The following NTM variants were observed in gnomAD, a reference collection of about 807,000 sequenced individuals.
NTM encodes the protein neurotrimin.
NTM carries 13 observed loss-of-function variants against 42.1 expected under a neutral mutation model. The observed-to-expected ratio is 0.31, with a 90% CI of 0.20 to 0.49. NTM has a LOEUF of 0.49. NTM is among the 20% of genes least tolerant of loss of function. The pLI is 0.99. For synonymous variants in NTM, 187 were observed against 179.2 expected (o/e 1.04, Z -0.35); for missense variants, 373 against 452.8 (o/e 0.82, Z 1.60).
intron 1 of NTM, among the ~76,000 whole-genome samples, chr11:131,453,509 C>G (rs1195913393): frequency 6.6e-6 from 1 of 151,126 alleles, no homozygotes; most frequent in Non-Finnish European, 1.5e-5. Flanking sequence ...AAAGAGACTA[C>G]AAAGCGACAA....
chr11:131,899,355 C>T (rs1159545020), intron 1 of NTM, among the ~76,000 whole-genome samples: 1 of 152,156 alleles, frequency 6.6e-6, no homozygotes, highest in Non-Finnish European at 1.5e-5. Context: ...ATAAATCATG[C>T]ACACACTTTT....
intron 4 of NTM, among the ~76,000 whole-genome samples, chr11:132,298,938 A>G (rs2094729521): frequency 6.6e-6 from 1 of 152,228 alleles, no homozygotes; most frequent in African/African-American, 2.4e-5. Flanking sequence ...ACCAGTTTGT[A>G]TAATATTTTT....
At position 132,088,661 on chromosome 11, in the gene NTM, C is replaced by A. The variant is rs190408298; in HGVS notation, c.168-57621C>A. On this transcript the variant is annotated intron_variant, in intron 2 of 8. Coordinates refer to ENST00000683400, the MANE Select transcript of NTM (RefSeq NM_001352005.2). ...AATTCCTCCAGTGCGCATGTGGGCC[C>A]TTGGTCTGAGCCAGTCCACATTGAT... 1.7e-4 allele frequency among the ~76,000 whole-genome samples: 26 copies of A among 152,290 alleles called. No individual in the cohort carries two copies. The East Asian group carries it at 4.3e-3, about 25-fold the overall frequency.
chr11:132,327,807 C>T (rs1283855351), intron 7 of NTM, among the ~76,000 whole-genome samples: 1 of 151,506 alleles, frequency 6.6e-6, no homozygotes, highest in African/African-American at 2.4e-5. Flanking sequence ...CCCTTTCTTC[C>T]TTCCTGTCTC....
intron 1 of NTM, among the ~76,000 whole-genome samples, chr11:131,774,694 G>C (rs10736601): frequency 0.44 from 66,377 of 152,090 alleles, 15,906 homozygotes; most frequent in East Asian, 0.63. Context: ...CCTCAGAGCA[G>C]TTCTCTTTGT....
intron 1 of NTM, among the ~76,000 whole-genome samples, chr11:131,745,178 A>G (rs1454008444): frequency 6.6e-6 from 1 of 152,172 alleles, no homozygotes; most frequent in Non-Finnish European, 1.5e-5. Context: ...GACAATGATT[A>G]TGGCTTGTAA....
intron 1 of NTM, among the ~76,000 whole-genome samples, chr11:131,600,090 TTC>T (rs1256260035): frequency 6.6e-6 from 1 of 152,210 alleles, no homozygotes. Flanking sequence ...CTCAATCGGC[TTC>T]TGTTATAGAT....
intron 2 of NTM, among the ~76,000 whole-genome samples, chr11:131,941,890 T>A (rs573289952): frequency 6.6e-5 from 10 of 151,742 alleles, no homozygotes; most frequent in Non-Finnish European, 1.3e-4. Context: ...GGGCAGGTGT[T>A]TTCTGCATAA....
chr11:132,144,163 C>G (rs991962275), intron 2 of NTM, among the ~76,000 whole-genome samples: 1 of 152,140 alleles, frequency 6.6e-6, no homozygotes, highest in Non-Finnish European at 1.5e-5. Context: ...TAGCTCAGTG[C>G]TTCTTAAACC....
At chr11:132,068,473 T>C (rs1169874435) in intron 2 of NTM, among the ~76,000 whole-genome samples, 1 of 152,170 alleles carries the variant, frequency 6.6e-6, no homozygotes, top group African/African-American at 2.4e-5. Context: ...TGCTTCTAAT[T>C]TTTTTCTGAG....
At chr11:131,570,094 C>T (rs1431911095) in intron 1 of NTM, among the ~76,000 whole-genome samples, 1 of 152,210 alleles carries the variant, frequency 6.6e-6, no homozygotes, top group Non-Finnish European at 1.5e-5. Flanking sequence ...TATCAGTCTT[C>T]CTTTTCCTCT....
At chr11:131,825,330 TA>T (rs2041998847) in intron 1 of NTM, among the ~76,000 whole-genome samples, 2 of 150,692 alleles carry the variant, frequency 1.3e-5, no homozygotes, top group African/African-American at 4.9e-5. Flanking sequence ...TGTTTTCAAA[TA>T]AGATGACATT....
intron 1 of NTM, among the ~76,000 whole-genome samples, chr11:131,529,630 G>C (rs1053746886): frequency 2.0e-5 from 3 of 152,112 alleles, no homozygotes; most frequent in Non-Finnish European, 4.4e-5. Context: ...AAGGCTGCTC[G>C]GTGCATGTGT....
chr11:131,955,299 A>G (rs1274881880), intron 2 of NTM, among the ~76,000 whole-genome samples: 1 of 152,100 alleles, frequency 6.6e-6, no homozygotes, highest in African/African-American at 2.4e-5. Flanking sequence ...GTTGCCTGGA[A>G]TAGTAATGAG....
intron 1 of NTM, among the ~76,000 whole-genome samples, chr11:131,784,767 A>G (rs915576650): frequency 2.0e-5 from 3 of 152,250 alleles, no homozygotes; most frequent in Non-Finnish European, 2.9e-5. Flanking sequence ...CGTGCAAAAT[A>G]CACCTTAATA....
At chr11:132,332,658 A>G (rs556119412) in intron 8 of NTM, 55 of 152,430 alleles carry the variant, frequency 3.6e-4, no homozygotes, top group Admixed American at 2.0e-3. Flanking sequence ...TGGCATAGCC[A>G]CAGGGCCATT....
rs1363170126 is a variant in NTM at position 132,003,262 on chromosome 11, T to C, written c.167+91614T>C. On this transcript the variant is annotated intron_variant, in intron 2 of 8. Coordinates refer to ENST00000683400, the MANE Select transcript of NTM (RefSeq NM_001352005.2). This position sits in a 1 kb window ranked among gnomAD's most constrained non-coding sequence, Gnocchi z 6.0. ...CACCCTTAGAGTTTTTTTTTCTTTT[T>C]TTTTTTTGACAGGTTATTTGTTGCC... Among the ~76,000 whole-genome samples, 3 of 152,066 alleles carry C rather than the reference T, an allele frequency of 2.0e-5. No individual in the cohort carries two copies. The highest frequency in any genetic ancestry group is 2.9e-5 in the Non-Finnish European group (2 of 68,016).
intron 3 of NTM, among the ~76,000 whole-genome samples, chr11:132,176,553 T>C (rs2076838479): frequency 6.8e-6 from 1 of 146,864 alleles, no homozygotes; most frequent in African/African-American, 2.7e-5. Context: ...TAACAAAAAA[T>C]AAATATTTGA....
intron 1 of NTM, among the ~76,000 whole-genome samples, chr11:131,451,856 G>A (rs1456776418): frequency 6.6e-6 from 1 of 152,126 alleles, no homozygotes; most frequent in Non-Finnish European, 1.5e-5. Context: ...CCTGCAAGGA[G>A]ACCATTTGGG....
Sources: gnomAD v4.1 joint callset for allele counts (sites outside exome capture counted in the v4.1 genomes callset) on GRCh38, gnomAD v4.1.1 for gene constraint, Gnocchi (gnomAD v3.1) non-coding constraint, MANE v1.5 for transcripts, NCBI Gene and HGNC (gene_info 2026-07-23, HGNC 2026-07-21) for gene names.